Variants in CAMK1D observed in about 807,000 individuals in gnomAD.
CAMK1D encodes the protein calcium/calmodulin-dependent protein kinase type 1D.
CAMK1D carries 9 observed loss-of-function variants against 47.7 expected under a neutral mutation model. The ratio of observed to expected loss-of-function variants is 0.19; its 90% confidence interval spans 0.11 to 0.33. The LOEUF (loss-of-function observed/expected upper bound fraction) is 0.33. Among genes scored for constraint, CAMK1D ranks in the 10% least tolerant of loss-of-function variants. CAMK1D has a pLI of 1.00. For missense variants in CAMK1D, 291 were observed against 488.7 expected, an observed-to-expected ratio of 0.60 and a Z score of 3.81; for synonymous variants, 184 against 184.9, an observed-to-expected ratio of 0.99 and a Z score of 0.04.
intron 6 of CAMK1D, among the ~76,000 whole-genome samples, chr10:12,808,719 G>A (rs1034154221): frequency 1.3e-5 from 2 of 151,958 alleles, no homozygotes; most frequent in African/African-American, 2.4e-5. Context: ...TGGAGGTTTC[G>A]GTGAGCCAAG....
intron 1 of CAMK1D, among the ~76,000 whole-genome samples, chr10:12,380,107 C>T (rs947342163): frequency 7.9e-5 from 12 of 151,732 alleles, no homozygotes; most frequent in Admixed American, 5.3e-4. Context: ...CCCTGCTACT[C>T]GGGAGGCTGA....
chr10:12,767,324 C>T (rs1029271041), intron 4 of CAMK1D, among the ~76,000 whole-genome samples: 5 of 151,868 alleles, frequency 3.3e-5, no homozygotes, highest in African/African-American at 9.7e-5. Flanking sequence ...ATTACAGGCG[C>T]CCGCCACCAT....
chr10:12,679,693 T>C (rs1840926196), intron 3 of CAMK1D, among the ~76,000 whole-genome samples: 1 of 152,250 alleles, frequency 6.6e-6, no homozygotes, highest in Non-Finnish European at 1.5e-5. Flanking sequence ...ATTTCCATAA[T>C]GCTCCTTCTA....
intron 3 of CAMK1D, among the ~76,000 whole-genome samples, chr10:12,743,979 G>A (rs1408019255): frequency 6.6e-6 from 1 of 151,312 alleles, no homozygotes; most frequent in Non-Finnish European, 1.5e-5. Context: ...GCTGAGATCC[G>A]GCCACTGCAC....
chr10:12,662,520 C>A (rs143449979), intron 2 of CAMK1D, among the ~76,000 whole-genome samples: 2,792 of 152,150 alleles, frequency 0.018, 49 homozygotes, highest in South Asian at 0.11. Flanking sequence ...GGCATGGTGG[C>A]GGGCGCCTGT....
At chr10:12,594,830 C>A (rs1244147190) in intron 2 of CAMK1D, among the ~76,000 whole-genome samples, 1 of 152,098 alleles carries the variant, frequency 6.6e-6, no homozygotes, top group Non-Finnish European at 1.5e-5. Flanking sequence ...TGTTCAAGTC[C>A]CAGGAAGTGG....
intron 2 of CAMK1D, among the ~76,000 whole-genome samples, chr10:12,626,260 C>A (rs1223257308): frequency 6.6e-6 from 1 of 152,064 alleles, no homozygotes; most frequent in Non-Finnish European, 1.5e-5. Context: ...ATAACATGAA[C>A]ATTCTTGTGA....
chr10:12,526,155 A>T (rs1295825859), intron 1 of CAMK1D, among the ~76,000 whole-genome samples: 3 of 152,218 alleles, frequency 2.0e-5, no homozygotes, highest in South Asian at 2.1e-4. Context: ...CTTTTCTTTA[A>T]AAAGCAGACA....
chr10:12,724,923 G>T (rs867782565), intron 3 of CAMK1D, among the ~76,000 whole-genome samples: 1 of 151,832 alleles, frequency 6.6e-6, no homozygotes, highest in South Asian at 2.1e-4. Flanking sequence ...GTGTCTCAGC[G>T]TCTGCCACCT....
intron 2 of CAMK1D, among the ~76,000 whole-genome samples, chr10:12,556,289 C>A (rs1836759077): frequency 6.6e-6 from 1 of 152,146 alleles, no homozygotes; most frequent in South Asian, 2.1e-4. Context: ...ATTCATTTAA[C>A]AAATATTTAT....
chr10:12,463,542 C>T (rs142862826), intron 1 of CAMK1D, among the ~76,000 whole-genome samples: 32 of 152,228 alleles, frequency 2.1e-4, no homozygotes, highest in African/African-American at 7.0e-4. Context: ...AATGCAACAA[C>T]TTATCTTTTT....
chr10:12,754,065 A>G (rs1359046557), intron 3 of CAMK1D, among the ~76,000 whole-genome samples: 1 of 151,750 alleles, frequency 6.6e-6, no homozygotes, highest in East Asian at 1.9e-4. Context: ...TAATTTTTGT[A>G]TTTTTAGTAG....
rs747692729 is a variant in CAMK1D at position 12,823,224 on chromosome 10, CAG to C, written c.834-1240_834-1239del. Among the ~76,000 whole-genome samples the C allele has an allele frequency of 2.0e-5, 3 of 152,166 alleles. No individual in the cohort carries two copies. In the South Asian group the frequency reaches 6.2e-4, roughly 32 times the overall value. On this transcript the variant is annotated intron_variant, in intron 8 of 10. Transcript: ENST00000619168. ...TTAATGTCCAGGGCAGTCAGTGTCTCAGGGGTGAGAGGTTTTCTCCCTTACCA... is the reference window on the plus strand; with the variant it reads ...TTAATGTCCAGGGCAGTCAGTGTCTCGGGTGAGAGGTTTTCTCCCTTACCA...
intron 1 of CAMK1D, among the ~76,000 whole-genome samples, chr10:12,448,079 C>T (rs1832973642): frequency 6.8e-6 from 1 of 146,550 alleles, no homozygotes; most frequent in African/African-American, 2.5e-5. Flanking sequence ...GTCTCGAACT[C>T]CTGACCTTAA....
At chr10:12,692,772 A>G (rs1832979185) in intron 3 of CAMK1D, among the ~76,000 whole-genome samples, 1 of 152,222 alleles carries the variant, frequency 6.6e-6, no homozygotes, top group Admixed American at 6.5e-5. Context: ...AGTCAGACAA[A>G]GGACATAAAC....
chr10:12,485,868 C>T (rs2768431), intron 1 of CAMK1D, among the ~76,000 whole-genome samples: 40,459 of 151,982 alleles, frequency 0.27, 5,551 homozygotes, highest in East Asian at 0.38. Flanking sequence ...CTTGTAGCAG[C>T]GCTGTTCGCT....
At chr10:12,551,012 G>T (rs1224040413) in intron 1 of CAMK1D, among the ~76,000 whole-genome samples, 1 of 152,210 alleles carries the variant, frequency 6.6e-6, no homozygotes, top group African/African-American at 2.4e-5. Flanking sequence ...GGAGGAGGAA[G>T]GGTGTTCCCC....
intron 2 of CAMK1D, among the ~76,000 whole-genome samples, chr10:12,655,985 A>G (rs1840105549): frequency 6.6e-6 from 1 of 152,200 alleles, no homozygotes; most frequent in South Asian, 2.1e-4. Flanking sequence ...TCTCATAGAT[A>G]CCTTAATGCA....
intron 1 of CAMK1D, among the ~76,000 whole-genome samples, chr10:12,508,729 C>T (rs1588568648): frequency 6.6e-6 from 1 of 152,306 alleles, no homozygotes; most frequent in East Asian, 1.9e-4. Flanking sequence ...CTAAACTCCC[C>T]ATCCTGAGGC....
Sources: allele counts gnomAD v4.1 joint callset (sites outside exome capture counted in the v4.1 genomes callset), GRCh38; gene constraint gnomAD v4.1.1; transcripts MANE v1.5; gene names NCBI Gene and HGNC (gene_info 2026-07-23, HGNC 2026-07-21).